The following AGFG1 variants were observed in gnomAD, a reference collection of about 807,000 sequenced individuals.
AGFG1 encodes ArfGAP with FG repeats 1.
In AGFG1, 10 loss-of-function variants were observed where a neutral mutation model predicts 60.6. The observed-to-expected ratio is 0.16, with a 90% CI of 0.10 to 0.28. The LOEUF is 0.28. Among genes scored for constraint, AGFG1 ranks in the 10% least tolerant of loss-of-function variants. The pLI, the probability that AGFG1 is intolerant of heterozygous loss-of-function variation, is 1.00. For missense variants in AGFG1, 537 were observed against 676.5 expected (o/e 0.79, Z 2.29); for synonymous variants, 247 against 242.9 (o/e 1.02, Z -0.16).
chr2:227,472,548 A>G lies in AGFG1; in HGVS notation c.127A>G (p.Thr43Ala). The change falls in exon 1 of 13, where the codon ACG becomes GCG. Residue 43 changes from threonine (T) to alanine (A), a missense_variant. Physicochemically the swap from Thr to Ala is moderately conservative, Grantham distance 58. Transcript: ENST00000310078. ...DQRGPTYVNM[T>A]VGSFVCTSCS... ...GCGCGGCCCCACCTACGTTAACATG[A>G]CGGTCGGCTCCTTCGTGTGTACCTC... 6.3e-7 allele frequency: 1 copy of G among 1,579,330 alleles called. No homozygotes were observed. Among genetic ancestry groups the G allele is most frequent in the Non-Finnish European group, 8.6e-7 (1 of 1,162,314 alleles).
chr2:227,530,518 A>G (rs1407513389), intron 5 of AGFG1, among the ~76,000 whole-genome samples: 1 of 152,164 alleles, frequency 6.6e-6, no homozygotes, highest in Non-Finnish European at 1.5e-5. Context: ...TGAGTTTAAA[A>G]TTGCAGGCTT....
At chr2:227,483,429 A>G (rs1350847117) in intron 1 of AGFG1, among the ~76,000 whole-genome samples, 1 of 152,128 alleles carries the variant, frequency 6.6e-6, no homozygotes, top group African/African-American at 2.4e-5. Flanking sequence ...ATAGATTCAT[A>G]TAGCCACCAC....
At chr2:227,533,143 G>A (rs533958566) in intron 6 of AGFG1, among the ~76,000 whole-genome samples, 4 of 152,226 alleles carry the variant, frequency 2.6e-5, no homozygotes, top group Admixed American at 6.5e-5. Flanking sequence ...AAACTGTTTC[G>A]TCATGGAGCC....
intron 2 of AGFG1, among the ~76,000 whole-genome samples, chr2:227,511,532 C>T (rs1222157407): frequency 6.6e-6 from 1 of 152,166 alleles, no homozygotes; most frequent in African/African-American, 2.4e-5. Context: ...GTTTGCTGAT[C>T]CCTGGCTGTA....
chr2:227,551,976 G>GCAT lies in AGFG1; in HGVS notation c.1398_1400dup (p.Ser467dup). Reference sequence around the variant, plus strand: ...TCTGTCAGCGGCAACCTTTGGCACTGCATCCATGAGCATGCCCACAGGATT... The same window carrying GCAT: ...TCTGTCAGCGGCAACCTTTGGCACTGCATCATCCATGAGCATGCCCACAGGATT... On this transcript the variant is annotated inframe_insertion, in exon 11 of 13. Transcript: ENST00000310078. 1 of 1,614,102 alleles carries GCAT rather than the reference G, an allele frequency of 6.2e-7. No homozygotes were observed. The highest frequency in any genetic ancestry group is 2.2e-5 in the East Asian group (1 of 44,878).
chr2:227,473,257 C>A (rs1340144853), intron 1 of AGFG1, among the ~76,000 whole-genome samples: 1 of 151,728 alleles, frequency 6.6e-6, no homozygotes, highest in Non-Finnish European at 1.5e-5. Flanking sequence ...GGATTAATTG[C>A]GGGAGGGGGA....
At chr2:227,481,160 A>T (rs1384494959) in intron 1 of AGFG1, among the ~76,000 whole-genome samples, 1 of 136,400 alleles carries the variant, frequency 7.3e-6, no homozygotes, top group Non-Finnish European at 1.5e-5. Flanking sequence ...TATAGTGCAG[A>T]CATATTTTCT....
Position 227,540,688 on chromosome 2 carries a change from T to C in AGFG1, c.1378+3695T>C, listed in dbSNP as rs557149993. 2.0e-5 allele frequency among the ~76,000 whole-genome samples: 3 copies of C among 152,336 alleles called. No homozygotes were observed. The South Asian group carries it at 6.2e-4, about 32-fold the overall frequency. On this transcript the variant is annotated intron_variant, in intron 10 of 12. Transcript: ENST00000310078. ...CATGTGTCTTTATAGCAGCATGATT[T>C]ATAATCCTTTGGGTATATACCCAGT...
At chr2:227,544,146 CTTTTTTTTTTT>C (rs71039605) in intron 10 of AGFG1, among the ~76,000 whole-genome samples, 60 of 75,808 alleles carry the variant, frequency 7.9e-4, no homozygotes, top group African/African-American at 2.9e-3. Flanking sequence ...CATTCTGTGT[CTTTTTTTTTTT>C]TTTTTTTTTT....
chr2:227,544,987 G>A (rs1439860528), intron 10 of AGFG1, among the ~76,000 whole-genome samples: 1 of 152,132 alleles, frequency 6.6e-6, no homozygotes, highest in Non-Finnish European at 1.5e-5. Flanking sequence ...TGTATTTCCT[G>A]AATTTGAAGG....
rs73083458 is a variant in AGFG1 at position 227,538,099 on chromosome 2, A to G, written c.1378+1106A>G. Among the ~76,000 whole-genome samples, 867 of 152,306 alleles carry G rather than the reference A, an allele frequency of 5.7e-3. 9 individuals carry two copies. The highest frequency in any genetic ancestry group is 0.02 in the African/African-American group (812 of 41,562). ...ATTGTTTTAAATTTCCATTTGTACA[A>G]TTTATCAGGTGTGTGATATGTGCAG... is the stretch of plus-strand genomic sequence containing the variant. On this transcript the variant is annotated intron_variant, in intron 10 of 12. Coordinates refer to ENST00000310078, the MANE Select transcript of AGFG1 (RefSeq NM_004504.5).
intron 2 of AGFG1, among the ~76,000 whole-genome samples, chr2:227,499,655 G>A (rs546009817): frequency 4.7e-4 from 71 of 150,072 alleles, no homozygotes; most frequent in South Asian, 4.6e-3. Context: ...AAAAAAAAAG[G>A]AAGAAAAAAA....
Position 227,554,539 on chromosome 2 carries a change from A to G in AGFG1, c.*44A>G, listed in dbSNP as rs751531529. 1 of 1,464,648 alleles carries G rather than the reference A, an allele frequency of 6.8e-7. No homozygotes were observed. The highest frequency in any genetic ancestry group is 1.4e-5 in the African/African-American group (1 of 71,722). 90.7% of individuals were successfully genotyped at this position (1,464,648 alleles called of 1,614,324 possible). On this transcript the variant is annotated 3_prime_UTR_variant, in exon 13 of 13. Transcript: ENST00000310078. ...CTGGAACGAACTTTTATGTGGTCACATTACATCTCTCCACCTCTTGCACTG... is the reference window on the plus strand; with the variant it reads ...CTGGAACGAACTTTTATGTGGTCACGTTACATCTCTCCACCTCTTGCACTG...
intron 5 of AGFG1, among the ~76,000 whole-genome samples, chr2:227,528,753 AG>A (rs1692069166): frequency 6.6e-6 from 1 of 152,246 alleles, no homozygotes; most frequent in South Asian, 2.1e-4. Context: ...AAAAATGGTT[AG>A]ACAAGTCACT....
intron 2 of AGFG1, among the ~76,000 whole-genome samples, chr2:227,513,452 C>T (rs1309103665): frequency 2.0e-5 from 3 of 152,216 alleles, no homozygotes; most frequent in Non-Finnish European, 4.4e-5. Context: ...CTTTTCATGA[C>T]TTCTTCCTGT....
chr2:227,511,165 C>T (rs1444010023), intron 2 of AGFG1, among the ~76,000 whole-genome samples: 1 of 152,174 alleles, frequency 6.6e-6, no homozygotes, highest in Non-Finnish European at 1.5e-5. Context: ...GCCCATCTCT[C>T]TATGTTATTC....
At chr2:227,550,260 A>G (rs1220090216) in intron 10 of AGFG1, among the ~76,000 whole-genome samples, 1 of 152,188 alleles carries the variant, frequency 6.6e-6, no homozygotes, top group Non-Finnish European at 1.5e-5. Flanking sequence ...TTGGGATTAC[A>G]TTGTATTTAA....
At chr2:227,541,989 T>C (rs1194721095) in intron 10 of AGFG1, among the ~76,000 whole-genome samples, 1 of 152,206 alleles carries the variant, frequency 6.6e-6, no homozygotes, top group South Asian at 2.1e-4. Context: ...ATGATTTGGC[T>C]CTCTGTCTGT....
intron 5 of AGFG1, among the ~76,000 whole-genome samples, chr2:227,525,526 C>T (rs1300874831): frequency 1.3e-5 from 2 of 152,170 alleles, no homozygotes; most frequent in African/African-American, 4.8e-5. Flanking sequence ...AGATTTTCAA[C>T]AAGGTCCACA....
Sources: gnomAD v4.1 joint callset for allele counts (sites outside exome capture counted in the v4.1 genomes callset) on GRCh38, gnomAD v4.1.1 for gene constraint, MANE v1.5 for transcripts, NCBI Gene and HGNC (gene_info 2026-07-23, HGNC 2026-07-21) for gene names.